Variants in EPHB4 observed in about 807,000 individuals in gnomAD.
The protein encoded by EPHB4 is EPH receptor B4.
EPHB4 carries 50 observed loss-of-function variants against 110.6 expected under a neutral mutation model. The observed-to-expected ratio is 0.45, with a 90% CI of 0.36 to 0.57. The LOEUF (loss-of-function observed/expected upper bound fraction) is 0.57, where lower values mean the gene tolerates loss of function less well. EPHB4 is among the 20% of genes least tolerant of loss of function. The pLI, the probability that EPHB4 is intolerant of heterozygous loss-of-function variation, is 0.00. For synonymous variants in EPHB4, 592 were observed against 578.4 expected, an observed-to-expected ratio of 1.02 and a Z score of -0.34; for missense variants, 1,128 against 1,382.1, an observed-to-expected ratio of 0.82 and a Z score of 2.91.
rs974865450 is a variant in EPHB4, at chr7:100,824,549, C to A, written c.53-276G>T. On this transcript the variant is annotated intron_variant, in intron 1 of 16. Coordinates refer to ENST00000358173, the MANE Select transcript of EPHB4 (RefSeq NM_004444.5). Reference sequence around the variant, plus strand: ...GAGGAGGGAGGGAGATCAAAATGTACGGGGAGAAGGGGCGGCAGCTCAGAA... The same window carrying A: ...GAGGAGGGAGGGAGATCAAAATGTAAGGGGAGAAGGGGCGGCAGCTCAGAA... 4.4e-5 allele frequency: 19 copies of A among 431,710 alleles called. No homozygotes were observed. The East Asian group carries it at 7.8e-4, about 18-fold the overall frequency. The allele number at this position is 431,710 out of a possible 1,614,324, so 26.7% of individuals were successfully genotyped here.
rs1584650931 is a variant in EPHB4, at chr7:100,803,362, T to C, written c.*99A>G. 2 of 1,327,348 alleles carry C rather than the reference T, an allele frequency of 1.5e-6. No homozygotes were observed. The highest frequency in any genetic ancestry group is 1.5e-5 in the African/African-American group (1 of 67,674). 82.2% of individuals were successfully genotyped at this position (1,327,348 alleles called of 1,614,324 possible). ...AACTCCTCACCCCACGGGCTCAAAG[T>C]GCAATCCAGCGGGGCACAGGGCTGG... On this transcript the variant is annotated 3_prime_UTR_variant, in exon 17 of 17. Coordinates refer to ENST00000358173, the MANE Select transcript of EPHB4 (RefSeq NM_004444.5).
At chr7:100,826,955 GCC>G (rs141919245) in intron 1 of EPHB4, 22 bp downstream of exon 1, 4 of 1,485,256 alleles carry the variant, frequency 2.7e-6, no homozygotes, top group African/African-American at 3.0e-5. Context: ...GACGGGGTGC[GCC>G]CCCCCCCGCA....
In EPHB4 at chr7:100,809,625, C is replaced by T. The variant is rs570744841; in HGVS notation, c.2119-2045G>A. Among the ~76,000 whole-genome samples, 7 of 152,012 alleles carry T rather than the reference C, an allele frequency of 4.6e-5. No individual in the cohort carries two copies. The South Asian group carries it at 6.2e-4, about 14-fold the overall frequency. On this transcript the variant is annotated intron_variant, in intron 12 of 16. Coordinates refer to ENST00000358173, the MANE Select transcript of EPHB4 (RefSeq NM_004444.5). The stretch of plus-strand genomic sequence containing the variant: ...ATCTCCCAGGCTTAAGTGATCCTCC[C>T]GCCTCAGCCTCCCGAGTAGCTGGGA...
rs764889610 is a variant in EPHB4 at position 100,811,869 on chromosome 7, TAAAAAAAAA to T, written c.2118+869_2118+877del. Among the ~76,000 whole-genome samples the T allele has an allele frequency of 3.8e-5, 5 of 132,284 alleles. No homozygotes were observed. The East Asian group carries it at 8.7e-4, about 23-fold the overall frequency. 86.8% of individuals were successfully genotyped at this position (132,284 alleles called of 152,430 possible). A position where few individuals can be genotyped will look rare whatever the true frequency, so the allele number is the denominator to read the frequency against. On this transcript the variant is annotated intron_variant, in intron 12 of 16. Transcript: ENST00000358173. ...TAGAGGACAGAGTGAGACTCTGTCT[TAAAAAAAAA>T]AAAAAAAAATTGGCCGGGCGCGGTG...
At position 100,817,240 on chromosome 7, in the gene EPHB4, C is replaced by T. The variant is rs1813097270; in HGVS notation, c.1540G>A (p.Gly514Ser). Reference sequence around the variant, plus strand: ...TGTTCCTGGCCGAAGGGCCCGTAGCCGGCCTCAGAGCGCGCCCGTACCTGC... The same window carrying T: ...TGTTCCTGGCCGAAGGGCCCGTAGCTGGCCTCAGAGCGCGCCCGTACCTGC... ...LVQVRARSEA[G>S]YGPFGQEHHS... Residue 514 changes from glycine to serine, a missense_variant, in exon 8 of 17, where the codon GGC (glycine) becomes AGC (serine). Physicochemically the swap from Gly to Ser is moderately conservative, Grantham distance 56. Transcript: ENST00000358173. 1.2e-6 allele frequency: 2 copies of T among 1,601,882 alleles called. No individual in the cohort carries two copies. Among genetic ancestry groups the T allele is most frequent in the Admixed American group, 1.7e-5 (1 of 58,696 alleles).
In EPHB4 at chr7:100,827,107, G is replaced by T. The variant is rs1274309633; in HGVS notation, c.-77C>A. The T allele has an allele frequency of 9.4e-6, 14 of 1,486,560 alleles. No homozygotes were observed. The highest frequency in any genetic ancestry group is 1.3e-5 in the Non-Finnish European group (14 of 1,099,860). 92.1% of individuals were successfully genotyped at this position (1,486,560 alleles called of 1,614,324 possible). ...CCCCCAGGTCTGACTCTCCCTGGGCGGGTGGACGCCGATACTCCGCGCGGG... is the reference window on the plus strand; with the variant it reads ...CCCCCAGGTCTGACTCTCCCTGGGCTGGTGGACGCCGATACTCCGCGCGGG... On this transcript the variant is annotated 5_prime_UTR_variant, in exon 1 of 17. Transcript: ENST00000358173.
rs762471581 is a variant in EPHB4, at chr7:100,823,770, G to A, written c.285C>T (p.Leu95=). 39 of 1,613,560 alleles carry A rather than the reference G, an allele frequency of 2.4e-5. 1 individual carries two copies. The Middle Eastern group carries it at 3.6e-3, about 150-fold the overall frequency. The change falls in exon 3 of 17, where the codon CTC becomes CTT. Residue 95 remains leucine, a synonymous_variant. Coordinates refer to ENST00000358173, the MANE Select transcript of EPHB4 (RefSeq NM_004444.5). ...HVYATLRFTM[L]ECLSLPRAGR... The stretch of plus-strand genomic sequence containing the variant: ...CAGCCCGAGGCAGGGACAGGCACTC[G>A]AGCATGGTGAAGCGCAGCGTGGCGT...
Position 100,822,682 on chromosome 7 carries a change from G to A in EPHB4, c.412-15C>T, listed in dbSNP as rs961760086. The A allele has an allele frequency of 2.0e-6, 3 of 1,533,436 alleles. No homozygotes were observed. Among genetic ancestry groups the A allele is most frequent in the Non-Finnish European group, 2.6e-6 (3 of 1,136,050 alleles). The allele number at this position is 1,533,436 out of a possible 1,614,324, so 95.0% of individuals were successfully genotyped here. ...ACCGTGTCCACCTGCCGGCGGGGGG[G>A]AGGCACACCGCTGCTGTCCCCACTC... On this transcript the variant is annotated splice_polypyrimidine_tract_variant and intron_variant, in intron 3 of 16. Coordinates refer to ENST00000358173, the MANE Select transcript of EPHB4 (RefSeq NM_004444.5). This position sits in a 1 kb window ranked among gnomAD's most constrained non-coding sequence, Gnocchi z 4.7.
intron 12 of EPHB4, among the ~76,000 whole-genome samples, chr7:100,808,271 T>G (rs1471413559): frequency 6.6e-6 from 1 of 152,162 alleles, no homozygotes; most frequent in Non-Finnish European, 1.5e-5. Context: ...CAGGTTGGAG[T>G]GCAGTGGCAC....
rs565727504 is a variant in EPHB4, at chr7:100,826,793, C to CT, written c.52+185dup. The stretch of plus-strand genomic sequence containing the variant: ...CATCTCTTTCCCAAACAAAAGAAAA[C>CT]TCCACTACCCGTCGGGCGCCTCTTC... On this transcript the variant is annotated intron_variant, in intron 1 of 16. Transcript: ENST00000358173. 390 of 602,748 alleles carry CT rather than the reference C, an allele frequency of 6.5e-4. 5 individuals are homozygous for CT. The African/African-American group carries it at 6.7e-3, about 10-fold the overall frequency. The allele number at this position is 602,748 out of a possible 1,614,324, so 37.3% of individuals were successfully genotyped here.
In EPHB4 at chr7:100,823,943, AG is replaced by A; in HGVS notation, c.124-13del. ...CTCAGTTCCTCCCACTGTGCAGAGA[AG>A]GAGGTCAGCAAGGGGGCTGGGGAGC... On this transcript the variant is annotated splice_polypyrimidine_tract_variant and intron_variant, in intron 2 of 16. Transcript: ENST00000358173. 4.5e-6 allele frequency: 7 copies of A among 1,567,478 alleles called. No homozygotes were observed. Among genetic ancestry groups the A allele is most frequent in the Non-Finnish European group, 6.1e-6 (7 of 1,154,630 alleles).
Position 100,805,556 on chromosome 7 carries a change from C to T in EPHB4, c.2623G>A (p.Asp875Asn). Reference protein sequence around the residue: ...PRFPQVVSALDKMIRNPASLK... With the variant: ...PRFPQVVSALNKMIRNPASLK... Reference sequence around the variant, plus strand: ...CTGGCGGGGTTCCGGATCATCTTGTCCAGGGCGCTGACCACCTGGGGGAAG... The same window carrying T: ...CTGGCGGGGTTCCGGATCATCTTGTTCAGGGCGCTGACCACCTGGGGGAAG... Residue 875 changes from aspartate (D) to asparagine (N), a missense_variant, in exon 15 of 17, where the codon GAC becomes AAC. Coordinates refer to ENST00000358173, the MANE Select transcript of EPHB4 (RefSeq NM_004444.5). The T allele has an allele frequency of 6.5e-7, 1 of 1,538,692 alleles. No homozygotes were observed. Among genetic ancestry groups the T allele is most frequent in the Non-Finnish European group, 8.7e-7 (1 of 1,144,196 alleles).
chr7:100,808,759 T>G (rs1812868256), intron 12 of EPHB4, among the ~76,000 whole-genome samples: 1 of 152,158 alleles, frequency 6.6e-6, no homozygotes, highest in Non-Finnish European at 1.5e-5. Context: ...TCCGCTAAGA[T>G]TTGGCAGACC....
At chr7:100,823,223 G>T (rs1338824408) in intron 3 of EPHB4, among the ~76,000 whole-genome samples, 1 of 152,184 alleles carries the variant, frequency 6.6e-6, no homozygotes, top group Non-Finnish European at 1.5e-5. Context: ...GTCAGCCAAG[G>T]TGGCACAGGC....
At chr7:100,814,366 C>G (rs1813017579) in intron 8 of EPHB4, among the ~76,000 whole-genome samples, 1 of 152,180 alleles carries the variant, frequency 6.6e-6, no homozygotes, top group African/African-American at 2.4e-5. Context: ...GCAATCTCCG[C>G]CTCCCGGGTT....
At chr7:100,824,086 G>T in intron 2 of EPHB4, 117 bp downstream of exon 2, 1 of 1,535,924 alleles carries the variant, frequency 6.5e-7, no homozygotes, top group Non-Finnish European at 8.9e-7. Context: ...CACTGCTGGG[G>T]CTGCTGTCAT....
chr7:100,814,868 T>C (rs778495028), intron 8 of EPHB4, among the ~76,000 whole-genome samples: 2 of 149,716 alleles, frequency 1.3e-5, no homozygotes, highest in Non-Finnish European at 3.0e-5. Flanking sequence ...ATAATAATAA[T>C]TAGCCAAGCA....
At chr7:100,816,812 A>T (rs1249621038) in intron 8 of EPHB4, among the ~76,000 whole-genome samples, 1 of 150,162 alleles carries the variant, frequency 6.7e-6, no homozygotes, top group Admixed American at 6.7e-5. Flanking sequence ...GACCGGGTGC[A>T]GTGGCTCATG....
At chr7:100,810,819 G>C (rs916774656) in intron 12 of EPHB4, among the ~76,000 whole-genome samples, 2 of 152,160 alleles carry the variant, frequency 1.3e-5, no homozygotes, top group Non-Finnish European at 2.9e-5. Context: ...TTGGAATAAA[G>C]CAGCAGTGAA....
Sources: allele counts gnomAD v4.1 joint callset (sites outside exome capture counted in the v4.1 genomes callset), GRCh38; gene constraint gnomAD v4.1.1; non-coding constraint Gnocchi (gnomAD v3.1); transcripts MANE v1.5; gene names NCBI Gene and HGNC (gene_info 2026-07-23, HGNC 2026-07-21).